The following GUCY1A2 variants were observed in gnomAD, a reference collection of about 807,000 sequenced individuals.
GUCY1A2 encodes the protein guanylate cyclase 1 soluble subunit alpha 2.
In GUCY1A2, 27 loss-of-function variants were observed where a neutral mutation model predicts 63.5. That is an observed-to-expected ratio of 0.43 (90% confidence interval 0.31 to 0.59). The LOEUF (loss-of-function observed/expected upper bound fraction) is 0.59, where lower values mean the gene tolerates loss of function less well. Among genes scored for constraint, GUCY1A2 ranks in the 20% least tolerant of loss-of-function variants. The pLI, the probability that GUCY1A2 is intolerant of heterozygous loss-of-function variation, is 0.11. For missense variants in GUCY1A2, 768 were observed against 913.3 expected, an observed-to-expected ratio of 0.84 and a Z score of 2.05; for synonymous variants, 364 against 343.5, an observed-to-expected ratio of 1.06 and a Z score of -0.66.
intron 3 of GUCY1A2, among the ~76,000 whole-genome samples, chr11:106,940,516 C>A (rs756582889): frequency 3.9e-5 from 6 of 152,164 alleles, no homozygotes; most frequent in Non-Finnish European, 7.4e-5. Context: ...ACATGCACAG[C>A]CTGCCCCATT....
chr11:106,777,915 G>C (rs935569660), intron 5 of GUCY1A2, among the ~76,000 whole-genome samples: 1 of 152,094 alleles, frequency 6.6e-6, no homozygotes, highest in African/African-American at 2.4e-5. Context: ...CCATATAATT[G>C]AGAGTTAACA....
intron 4 of GUCY1A2, among the ~76,000 whole-genome samples, chr11:106,864,439 G>C (rs990085495): frequency 3.9e-5 from 6 of 152,006 alleles, no homozygotes; most frequent in African/African-American, 1.4e-4. Context: ...GCCCTGGCCA[G>C]AACTTCCAAT....
At chr11:106,764,376 C>T (rs6588926) in intron 6 of GUCY1A2, among the ~76,000 whole-genome samples, 1 of 152,052 alleles carries the variant, frequency 6.6e-6, no homozygotes, top group African/African-American at 2.4e-5. Context: ...GTAATGGTTA[C>T]GAGCATGGAC....
At chr11:106,987,023 T>G (rs931581896) in intron 1 of GUCY1A2, among the ~76,000 whole-genome samples, 3 of 152,160 alleles carry the variant, frequency 2.0e-5, no homozygotes, top group Non-Finnish European at 4.4e-5. Context: ...AGAACCTAGA[T>G]GTTATTAGGA....
intron 4 of GUCY1A2, among the ~76,000 whole-genome samples, chr11:106,879,460 T>A (rs914148563): frequency 1.3e-5 from 2 of 152,132 alleles, no homozygotes; most frequent in African/African-American, 4.8e-5. Context: ...TTAAGTTTGT[T>A]GGGTGATTCA....
intron 6 of GUCY1A2, among the ~76,000 whole-genome samples, chr11:106,721,882 C>G (rs749377648): frequency 6.6e-6 from 1 of 152,140 alleles, no homozygotes; most frequent in Non-Finnish European, 1.5e-5. Context: ...CACAGATATG[C>G]CTATGTTGCA....
At chr11:106,908,759 C>T (rs1234384306) in intron 4 of GUCY1A2, among the ~76,000 whole-genome samples, 1 of 151,994 alleles carries the variant, frequency 6.6e-6, no homozygotes, top group Non-Finnish European at 1.5e-5. Flanking sequence ...ACGACCAGTT[C>T]TTTAGGCACT....
At chr11:106,824,037 G>T in intron 4 of GUCY1A2, 2 of 1,395,312 alleles carry the variant, frequency 1.4e-6, no homozygotes, top group South Asian at 1.4e-5. Context: ...CTTTCTTATT[G>T]TTGGCATTTT....
intron 1 of GUCY1A2, among the ~76,000 whole-genome samples, chr11:107,011,091 A>C (rs143667018): frequency 6.6e-6 from 1 of 152,328 alleles, no homozygotes; most frequent in East Asian, 1.9e-4. Context: ...TAAGAATATC[A>C]AGGACAGAGG....
chr11:107,017,664 T>G (rs1861842390), intron 1 of GUCY1A2, 89 bp downstream of exon 1: 1 of 755,410 alleles, frequency 1.3e-6, no homozygotes, highest in Non-Finnish European at 1.8e-6. Flanking sequence ...GGTCGGGCTC[T>G]GCGCTCGCGC....
chr11:106,888,822 T>G (rs965179655), intron 4 of GUCY1A2, among the ~76,000 whole-genome samples: 3 of 152,184 alleles, frequency 2.0e-5, no homozygotes, highest in African/African-American at 7.2e-5. Context: ...TCTTGATGTA[T>G]CCTCCTACTT....
At chr11:106,796,443 A>G (rs1357798577) in intron 5 of GUCY1A2, among the ~76,000 whole-genome samples, 1 of 152,178 alleles carries the variant, frequency 6.6e-6, no homozygotes, top group Non-Finnish European at 1.5e-5. Context: ...AGTGGCTGGT[A>G]ACAGCTGTTC....
intron 6 of GUCY1A2, among the ~76,000 whole-genome samples, chr11:106,739,735 T>C (rs1863656903): frequency 6.6e-6 from 1 of 152,208 alleles, no homozygotes. Flanking sequence ...CTTTTTCCTT[T>C]GTTCATGTTT....
At chr11:106,932,180 T>G (rs1392008567) in intron 4 of GUCY1A2, among the ~76,000 whole-genome samples, 1 of 152,146 alleles carries the variant, frequency 6.6e-6, no homozygotes, top group East Asian at 1.9e-4. Context: ...AATAAAAATC[T>G]GATCTCCAAT....
In GUCY1A2 at chr11:106,709,302, TATATTTATA is replaced by T. The variant is rs1156239209; in HGVS notation, c.1837-645_1837-637del. ...ATAAATTTATATATATTTATATTTT[TATATTTATA>T]TATATTTATATATATTATATAAATA... On this transcript the variant is annotated intron_variant, in intron 6 of 7. Transcript: ENST00000526355. Among the ~76,000 whole-genome samples, 139 of 82,086 alleles carry T rather than the reference TATATTTATA, an allele frequency of 1.7e-3. 1 individual carries two copies. The highest frequency in any genetic ancestry group is 7.6e-3 in the African/African-American group (124 of 16,412). The allele number at this position is 82,086 out of a possible 152,430, so 53.9% of individuals were successfully genotyped here. A position where few individuals can be genotyped will look rare whatever the true frequency, so the allele number is the denominator to read the frequency against.
chr11:106,891,634 A>T (rs1193448753), intron 4 of GUCY1A2, among the ~76,000 whole-genome samples: 1 of 152,174 alleles, frequency 6.6e-6, no homozygotes, highest in East Asian at 1.9e-4. Context: ...TTTTCCATAT[A>T]AATACTCAGT....
chr11:106,868,644 A>G (rs533610616), intron 4 of GUCY1A2, among the ~76,000 whole-genome samples: 9 of 152,162 alleles, frequency 5.9e-5, no homozygotes, highest in East Asian at 1.9e-4. Flanking sequence ...ATGCTCATGG[A>G]TAGGAAGAAT....
rs899559348 is a variant in GUCY1A2, at chr11:106,682,442, A to G, written c.*5107T>C. The stretch of plus-strand genomic sequence containing the variant: ...TGAATCCAAATCTCTGAAGGTAAAG[A>G]CTAGTCTTCTGTATTCCTAAAACTC... On this transcript the variant is annotated 3_prime_UTR_variant, in exon 8 of 8. Coordinates refer to ENST00000526355, the MANE Select transcript of GUCY1A2 (RefSeq NM_000855.3). 9.5e-6 allele frequency: 2 copies of G among 210,002 alleles called. No homozygotes were observed. The highest frequency in any genetic ancestry group is 1.9e-5 in the Non-Finnish European group (2 of 103,354). 13.0% of individuals were successfully genotyped at this position (210,002 alleles called of 1,614,324 possible).
chr11:106,983,504 T>C (rs896286179), intron 2 of GUCY1A2, among the ~76,000 whole-genome samples: 4 of 151,844 alleles, frequency 2.6e-5, no homozygotes, highest in Non-Finnish European at 4.4e-5. Flanking sequence ...CCTCAGAGAG[T>C]TTCTATGGGC....
Sources: allele counts gnomAD v4.1 joint callset (sites outside exome capture counted in the v4.1 genomes callset), GRCh38; gene constraint gnomAD v4.1.1; transcripts MANE v1.5; gene names NCBI Gene and HGNC (gene_info 2026-07-23, HGNC 2026-07-21).